MARK3: variants seen among roughly 807,000 people sequenced by gnomAD.
The protein encoded by MARK3 is microtubule affinity regulating kinase 3.
Under a neutral mutation model 90.1 loss-of-function variants are expected in MARK3, and 46 were observed. The ratio of observed to expected loss-of-function variants is 0.51; its 90% CI spans 0.40 to 0.65. The LOEUF is 0.65. Among genes scored for constraint, MARK3 ranks in the 30% least tolerant of loss-of-function variants. The pLI is 0.00. For synonymous variants in MARK3, 321 were observed against 332.6 expected (o/e 0.97, Z 0.38); for missense variants, 818 against 947.2 (o/e 0.86, Z 1.79).
chr14:103,493,091 G>A (rs1313939057), intron 15 of MARK3, among the ~76,000 whole-genome samples: 3 of 151,940 alleles, frequency 2.0e-5, no homozygotes, highest in Non-Finnish European at 2.9e-5. Context: ...ATTCCCTATG[G>A]CCTATAGCCT....
chr14:103,487,900 T>G (rs2093956787), intron 14 of MARK3, among the ~76,000 whole-genome samples: 1 of 151,910 alleles, frequency 6.6e-6, no homozygotes, highest in Non-Finnish European at 1.5e-5. Context: ...TACAAAAAAT[T>G]AGCCGGGCGT....
intron 2 of MARK3, among the ~76,000 whole-genome samples, chr14:103,414,074 A>G (rs1232644576): frequency 6.6e-6 from 1 of 152,170 alleles, no homozygotes; most frequent in African/African-American, 2.4e-5. Context: ...TGTGGTAAAG[A>G]ATTAAGTGAA....
At chr14:103,429,463 C>T (rs2092513925) in intron 3 of MARK3, 3 of 152,178 alleles carry the variant, frequency 2.0e-5, no homozygotes, top group African/African-American at 7.2e-5. Flanking sequence ...GAGCAGTGCT[C>T]TATATACATT....
chr14:103,473,007 GA>G (rs35491726), intron 12 of MARK3, among the ~76,000 whole-genome samples: 86 of 138,068 alleles, frequency 6.2e-4, no homozygotes, highest in African/African-American at 8.8e-4. Flanking sequence ...ACTCCGTCTC[GA>G]AAAAAAAAAA....
At position 103,460,073 on chromosome 14, in the gene MARK3, C is replaced by CTTTTTTTTTTTTTTTTTTTTTTTTTTTTT. The variant is rs571611660; in HGVS notation, c.484-2329_484-2301dup. ...AAAAAGAATAGATTTCCAGCTCCATCTTTTTTTTTTTTTTTTTTTTTTTTT... is the reference window on the plus strand; with the variant it reads ...AAAAAGAATAGATTTCCAGCTCCATCTTTTTTTTTTTTTTTTTTTTTTTTTTTTTTTTTTTTTTTTTTTTTTTTTTTTTT... On this transcript the variant is annotated intron_variant, in intron 6 of 17. Transcript: ENST00000429436. Among the ~76,000 whole-genome samples the CTTTTTTTTTTTTTTTTTTTTTTTTTTTTT allele has an allele frequency of 9.6e-5, 4 of 41,704 alleles. 1 individual carries two copies. The highest frequency in any genetic ancestry group is 1.6e-4 in the Non-Finnish European group (4 of 25,344). The allele number at this position is 41,704 out of a possible 152,430, so 27.4% of individuals were successfully genotyped here. A position where few individuals can be genotyped will look rare whatever the true frequency, so the allele number is the denominator to read the frequency against.
At chr14:103,446,196 T>TA (rs1307702985) in intron 3 of MARK3, among the ~76,000 whole-genome samples, 1 of 152,106 alleles carries the variant, frequency 6.6e-6, no homozygotes, top group East Asian at 1.9e-4. Context: ...GCCTGAGACT[T>TA]AAAGGATGAA....
chr14:103,466,020 A>T lies in MARK3; in HGVS notation c.826A>T (p.Met276Leu). ...AGGGAAATACAGAATTCCCTTCTAC[A>T]TGTCTACAGACTGTGAAAACCTTCT... ...LRGKYRIPFY[M>L]STDCENLLKR... The change falls in exon 9 of 18, where the codon ATG becomes TTG. Residue 276 changes from methionine (M) to leucine (L), a missense_variant. By Grantham distance (15) the Met-to-Leu change is conservative. This residue lies in a region of MARK3 where 560 missense variants were observed against 613.5 expected (regional missense o/e 0.91). Transcript: ENST00000429436. The T allele has an allele frequency of 6.2e-7, 1 of 1,613,920 alleles. No homozygotes were observed. The highest frequency in any genetic ancestry group is 8.5e-7 in the Non-Finnish European group (1 of 1,179,870).
intron 5 of MARK3, among the ~76,000 whole-genome samples, chr14:103,453,746 T>C (rs1638673690): frequency 1.3e-5 from 2 of 152,340 alleles, no homozygotes; most frequent in South Asian, 4.1e-4. Flanking sequence ...GCCCTCACGT[T>C]GTACAGCCTC....
chr14:103,405,137 G>T lies in MARK3; in HGVS notation c.113G>T (p.Arg38Leu). The T allele has an allele frequency of 6.2e-7, 1 of 1,613,846 alleles. No individual in the cohort carries two copies. Residue 38 changes from arginine to leucine, a missense_variant, in exon 2 of 18, where the codon CGG becomes CTG. Transcript: ENST00000429436. Reference protein sequence around the residue: ...VTSRTSRSGARCRNSIASCAD... With the variant: ...VTSRTSRSGALCRNSIASCAD... The stretch of plus-strand genomic sequence containing the variant: ...TCTCGTACCAGCCGCTCAGGAGCTC[G>T]GTGTAGAAACTCTATAGCCTCCTGT...
chr14:103,503,068 C>T lies in MARK3; in HGVS notation c.2103C>T (p.Val701=), dbSNP rs2142200401. Residue 701 remains valine (V), a synonymous_variant, in exon 18 of 18, where the codon GTC becomes GTT. Transcript: ENST00000429436. ...EQRERFLLFC[V]HGDGHAENLV... is the part of the protein sequence containing the mutation. Reference sequence around the variant, plus strand: ...GGGAGCGCTTCTTGCTCTTCTGCGTCCACGGAGATGGGCACGCGGAGAACC... The same window carrying T: ...GGGAGCGCTTCTTGCTCTTCTGCGTTCACGGAGATGGGCACGCGGAGAACC... 6.2e-7 allele frequency: 1 copy of T among 1,614,244 alleles called. No individual in the cohort carries two copies. The highest frequency in any genetic ancestry group is 1.1e-5 in the South Asian group (1 of 91,090).
chr14:103,488,148 A>G (rs1443353272), intron 14 of MARK3, among the ~76,000 whole-genome samples: 2 of 152,210 alleles, frequency 1.3e-5, no homozygotes, highest in Non-Finnish European at 2.9e-5. Context: ...TTAGTCAGTT[A>G]GAACTGTCTC....
intron 5 of MARK3, among the ~76,000 whole-genome samples, chr14:103,453,164 GCTGT>G (rs1413986814): frequency 1.3e-5 from 2 of 152,144 alleles, no homozygotes; most frequent in Non-Finnish European, 2.9e-5. Context: ...GTTTATAGCT[GCTGT>G]CTTTTATAAT....
intron 15 of MARK3, among the ~76,000 whole-genome samples, chr14:103,492,307 C>G (rs554854109): frequency 4.1e-4 from 62 of 152,196 alleles, no homozygotes; most frequent in African/African-American, 1.3e-3. Context: ...ACGTATCTGT[C>G]TGCATGGCAT....
At chr14:103,409,435 TAAAAAAAAAAAAAAAAAAA>T (rs61200962) in intron 2 of MARK3, among the ~76,000 whole-genome samples, 4 of 93,434 alleles carry the variant, frequency 4.3e-5, no homozygotes, top group Admixed American at 4.0e-4. Context: ...GAACTTAAAG[TAAAAAAAAAAAAAAAAAAA>T]AAAAAAAAAA....
chr14:103,448,127 G>A (rs530684563), intron 3 of MARK3, among the ~76,000 whole-genome samples: 236 of 152,270 alleles, frequency 1.5e-3, no homozygotes, highest in Non-Finnish European at 2.7e-3. Flanking sequence ...TCAGCTGGTG[G>A]TTTGGCAGGG....
chr14:103,385,693 AGGAGGTGAGGGG>A lies in MARK3; in HGVS notation c.-335_-324del. On this transcript the variant is annotated 5_prime_UTR_variant, in exon 1 of 18. Coordinates refer to ENST00000429436, the MANE Select transcript of MARK3 (RefSeq NM_001128918.3). ...GCGGTGCGACGGGAGGGAGTGGAGA[AGGAGGTGAGGGG>A]GCCCAGGATCGCGGGGCGCCCTGAG... The A allele has an allele frequency of 4.3e-6, 1 of 234,246 alleles. No individual in the cohort carries two copies. Among genetic ancestry groups the A allele is most frequent in the Non-Finnish European group, 8.2e-6 (1 of 122,018 alleles). The allele number at this position is 234,246 out of a possible 1,614,324, so 14.5% of individuals were successfully genotyped here.
At chr14:103,496,236 A>C (rs1219461957) in intron 15 of MARK3, among the ~76,000 whole-genome samples, 1 of 152,174 alleles carries the variant, frequency 6.6e-6, no homozygotes, top group Non-Finnish European at 1.5e-5. Flanking sequence ...GGAAAAGTTA[A>C]GAAAAGCACT....
chr14:103,394,077 A>AT (rs1242370371), intron 1 of MARK3, among the ~76,000 whole-genome samples: 2 of 151,996 alleles, frequency 1.3e-5, no homozygotes, highest in Non-Finnish European at 2.9e-5. Context: ...TATGCCTGGA[A>AT]TTTTTTCCTG....
At chr14:103,463,039 T>C (rs1314060081) in intron 7 of MARK3, among the ~76,000 whole-genome samples, 1 of 152,184 alleles carries the variant, frequency 6.6e-6, no homozygotes, top group Non-Finnish European at 1.5e-5. Flanking sequence ...TGATTCCCTC[T>C]GGGGGCTGTG....
Sources: gnomAD v4.1 joint callset for allele counts (sites outside exome capture counted in the v4.1 genomes callset) on GRCh38, gnomAD v4.1.1 for gene constraint, gnomAD v4.1.1 regional missense constraint, MANE v1.5 for transcripts, NCBI Gene and HGNC (gene_info 2026-07-23, HGNC 2026-07-21) for gene names.